Variants in C2orf49 observed in about 807,000 individuals in gnomAD.
C2orf49 encodes the protein tRNA-splicing ligase complex subunit ASW.
In C2orf49, 11 loss-of-function variants were observed where a neutral mutation model predicts 20.6. The observed-to-expected ratio is 0.53, with a 90% CI of 0.34 to 0.88. The LOEUF (loss-of-function observed/expected upper bound fraction) is 0.88, where lower values mean the gene tolerates loss of function less well. Ranked by LOEUF, C2orf49 falls within the 40% of genes least tolerant of loss-of-function variation. C2orf49 has a pLI of 0.02. For missense variants in C2orf49, 289 were observed against 274.2 expected, an observed-to-expected ratio of 1.05 and a Z score of -0.38; for synonymous variants, 134 against 108.5, an observed-to-expected ratio of 1.24 and a Z score of -1.46.
At chr2:105,367,534 C>T in the C2orf49 span, 2 of 1,569,186 alleles carry the variant, frequency 1.3e-6, no homozygotes, top group African/African-American at 2.7e-5. Flanking sequence ...GCAAACCAGC[C>T]AGAACGTGCA....
chr2:105,346,388 C>G lies in C2orf49; in HGVS notation c.*1017C>G, dbSNP rs984966106. The G allele has an allele frequency of 6.6e-6, 1 of 152,198 alleles. No homozygotes were observed. Among genetic ancestry groups the G allele is most frequent in the Admixed American group, 6.5e-5 (1 of 15,284 alleles). 9.4% of individuals were successfully genotyped at this position (152,198 alleles called of 1,614,324 possible). A position where few individuals can be genotyped will look rare whatever the true frequency, so the allele number is the denominator to read the frequency against. On this transcript the variant is annotated 3_prime_UTR_variant, in exon 4 of 4. Coordinates refer to ENST00000258457, the MANE Select transcript of C2orf49 (RefSeq NM_024093.3). Reference sequence around the variant, plus strand: ...TACCTGGCCCATCCTTTAGAATGTTCTTGTCATGTAGCAGTCCTACGTACT... The same window carrying G: ...TACCTGGCCCATCCTTTAGAATGTTGTTGTCATGTAGCAGTCCTACGTACT...
chr2:105,343,231 TG>T lies in C2orf49; in HGVS notation c.642+13del. On this transcript the variant is annotated intron_variant, in intron 3 of 3. Coordinates refer to ENST00000258457, the MANE Select transcript of C2orf49 (RefSeq NM_024093.3). ...GAAGAGGCAGAGGCCATGGTAAGTATGGGGGTGGTTTCCATGCTGGTAAGTG... is the reference window on the plus strand; with the variant it reads ...GAAGAGGCAGAGGCCATGGTAAGTATGGGGTGGTTTCCATGCTGGTAAGTG... The T allele has an allele frequency of 6.4e-7, 1 of 1,559,758 alleles. No individual in the cohort carries two copies. The highest frequency in any genetic ancestry group is 1.2e-5 in the South Asian group (1 of 83,096).
At chr2:105,384,652 T>TA in the C2orf49 span, among the ~76,000 whole-genome samples, 2 of 152,168 alleles carry the variant, frequency 1.3e-5, no homozygotes, top group African/African-American at 4.8e-5. Context: ...GGATTACAGA[T>TA]ATGCACCACC....
downstream of C2orf49, among the ~76,000 whole-genome samples, chr2:105,352,899 C>A (rs963813100): frequency 6.6e-6 from 1 of 152,092 alleles, no homozygotes; most frequent in Non-Finnish European, 1.5e-5. Context: ...AGAAACCCAT[C>A]AAAAACAAAC....
chr2:105,384,410 T>C, the C2orf49 span, among the ~76,000 whole-genome samples: 1 of 152,160 alleles, frequency 6.6e-6, no homozygotes, highest in Non-Finnish European at 1.5e-5. Context: ...GTCTGGAGCT[T>C]ACCCTGTCAG....
the C2orf49 span, among the ~76,000 whole-genome samples, chr2:105,379,657 G>A: frequency 1.2e-4 from 18 of 152,342 alleles, no homozygotes; most frequent in African/African-American, 4.1e-4. Flanking sequence ...TGGCACGTCA[G>A]CCCCTTTGCA....
In C2orf49 at chr2:105,337,608, T is replaced by C; in HGVS notation, c.21T>C (p.Gly7=). ...CGACCATGGCGGGGGATGTGGGCGGTCGCAGCTGCACGGACTCGGAACTGC... is the reference window on the plus strand; with the variant it reads ...CGACCATGGCGGGGGATGTGGGCGGCCGCAGCTGCACGGACTCGGAACTGC... MAGDVG[G]RSCTDSELLL... is the part of the protein sequence containing the mutation. The change falls in exon 1 of 4, where the codon GGT becomes GGC. Residue 7 remains glycine, a synonymous_variant. Transcript: ENST00000258457. The C allele has an allele frequency of 6.2e-7, 1 of 1,611,280 alleles. No homozygotes were observed. Among genetic ancestry groups the C allele is most frequent in the Non-Finnish European group, 8.5e-7 (1 of 1,179,238 alleles).
chr2:105,378,459 C>T, the C2orf49 span: 1 of 279,570 alleles, frequency 3.6e-6, no homozygotes, highest in Non-Finnish European at 7.0e-6. Context: ...TTGGCTCCTG[C>T]CAGATGCTGC....
At chr2:105,363,343 C>G in the C2orf49 span, 1 of 1,614,224 alleles carries the variant, frequency 6.2e-7, no homozygotes, top group Non-Finnish European at 8.5e-7. Flanking sequence ...AGAAGCAGTT[C>G]AGGCAGTAGG....
chr2:105,376,904 A>G, the C2orf49 span, among the ~76,000 whole-genome samples: 1 of 152,232 alleles, frequency 6.6e-6, no homozygotes, highest in Middle Eastern at 3.4e-3. Context: ...AAGTGAAACG[A>G]CAAATCGGTC....
At chr2:105,341,382 A>T (rs931511073) in intron 2 of C2orf49, among the ~76,000 whole-genome samples, 6 of 152,226 alleles carry the variant, frequency 3.9e-5, no homozygotes, top group Non-Finnish European at 8.8e-5. Flanking sequence ...GGAAGGATCC[A>T]AGAGATCATC....
chr2:105,340,991 G>A (rs66747638), intron 2 of C2orf49, among the ~76,000 whole-genome samples: 26,040 of 152,148 alleles, frequency 0.17, 2,774 homozygotes, highest in Middle Eastern at 0.23. Context: ...AAGAATAGTC[G>A]AAGAATACAT....
the C2orf49 span, among the ~76,000 whole-genome samples, chr2:105,381,324 G>A: frequency 6.6e-6 from 1 of 152,134 alleles, no homozygotes; most frequent in Non-Finnish European, 1.5e-5. Context: ...GCACTGTGTT[G>A]GCATGTCACA....
the C2orf49 span, among the ~76,000 whole-genome samples, chr2:105,380,653 A>G: frequency 6.6e-6 from 1 of 152,230 alleles, no homozygotes; most frequent in Non-Finnish European, 1.5e-5. Context: ...CATGAGTGTA[A>G]CAGAGATAGC....
intron 2 of C2orf49, among the ~76,000 whole-genome samples, chr2:105,342,320 A>G (rs1045588753): frequency 1.3e-5 from 2 of 152,254 alleles, no homozygotes; most frequent in African/African-American, 2.4e-5. Context: ...AGTATGAGAC[A>G]CTTGCCAGAT....
downstream of C2orf49, among the ~76,000 whole-genome samples, chr2:105,351,315 C>CA (rs1491499733): frequency 1.1e-4 from 8 of 74,526 alleles, no homozygotes; most frequent in African/African-American, 5.0e-4. Context: ...CCCACCGCGC[C>CA]CCCCCCCCCC....
the C2orf49 span, among the ~76,000 whole-genome samples, chr2:105,371,549 T>TCTCTCTCC: frequency 8.2e-6 from 1 of 121,644 alleles, no homozygotes; most frequent in East Asian, 2.2e-4. Flanking sequence ...CCTTGAAATC[T>TCTCTCTCC]CTCTCTCTCT....
downstream of C2orf49, among the ~76,000 whole-genome samples, chr2:105,351,313 G>GCCCCCC (rs376749614): frequency 2.8e-5 from 1 of 36,076 alleles, no homozygotes; most frequent in South Asian, 1.2e-3. Flanking sequence ...TGCCCACCGC[G>GCCCCCC]CCCCCCCCCC....
intron 2 of C2orf49, among the ~76,000 whole-genome samples, chr2:105,341,092 T>C (rs1205170065): frequency 6.6e-6 from 1 of 152,258 alleles, no homozygotes; most frequent in East Asian, 1.9e-4. Context: ...TGATGGTTAC[T>C]TTACTTACTA....
Sources: allele counts gnomAD v4.1 joint callset (sites outside exome capture counted in the v4.1 genomes callset), GRCh38; gene constraint gnomAD v4.1.1; transcripts MANE v1.5; gene names NCBI Gene and HGNC (gene_info 2026-07-23, HGNC 2026-07-21).